KHDRBS3: variants seen among roughly 807,000 people sequenced by gnomAD.
The protein encoded by KHDRBS3 is KH domain-containing, RNA-binding, signal transduction-associated protein 3.
A neutral mutation model predicts 45.6 loss-of-function variants in KHDRBS3; 23 were observed. The ratio of observed to expected loss-of-function variants is 0.50; its 90% CI spans 0.36 to 0.72. The LOEUF is 0.72. Among genes scored for constraint, KHDRBS3 ranks in the 30% least tolerant of loss-of-function variants. The pLI, the probability that KHDRBS3 is intolerant of heterozygous loss-of-function variation, is 0.00. For synonymous variants in KHDRBS3, 162 were observed against 156.5 expected (o/e 1.04, Z -0.26); for missense variants, 352 against 424.8 (o/e 0.83, Z 1.51).
At chr8:135,497,476 G>C (rs2130476397) in intron 1 of KHDRBS3, among the ~76,000 whole-genome samples, 1 of 152,134 alleles carries the variant, frequency 6.6e-6, no homozygotes, top group Non-Finnish European at 1.5e-5. Context: ...CATGAATTCA[G>C]CCTTATTACC....
intron 2 of KHDRBS3, chr8:135,538,609 C>T (rs1311698440): frequency 6.6e-6 from 1 of 152,006 alleles, no homozygotes; most frequent in Non-Finnish European, 1.5e-5. Flanking sequence ...TCATAATGAC[C>T]CTGAAATGTA....
chr8:135,606,850 T>A, intron 6 of KHDRBS3, 105 bp from the exon 7 acceptor site: 1 of 802,598 alleles, frequency 1.2e-6, no homozygotes, highest in Non-Finnish European at 2.0e-6. Context: ...AGTAGACATA[T>A]AATTAAATGC....
chr8:135,543,874 T>A (rs1320672300), intron 3 of KHDRBS3, among the ~76,000 whole-genome samples: 1 of 152,202 alleles, frequency 6.6e-6, no homozygotes, highest in Admixed American at 6.5e-5. Flanking sequence ...TGGGATACTG[T>A]TTAAAAGTAG....
chr8:135,526,917 A>G (rs1371756489), intron 2 of KHDRBS3, among the ~76,000 whole-genome samples: 1 of 151,860 alleles, frequency 6.6e-6, no homozygotes, highest in African/African-American at 2.4e-5. Context: ...GAAGCTATGG[A>G]AATTGTTCTC....
rs1048695237 is a variant in KHDRBS3 at position 135,529,299 on chromosome 8, C to T, written c.207+7944C>T. Reference sequence around the variant, plus strand: ...TACATTTGTCCTGTTCTCAGAGGCTCTGGACTTGGGTCTTGTGACACAGCC... The same window carrying T: ...TACATTTGTCCTGTTCTCAGAGGCTTTGGACTTGGGTCTTGTGACACAGCC... On this transcript the variant is annotated intron_variant, in intron 2 of 8. Coordinates refer to ENST00000355849, the MANE Select transcript of KHDRBS3 (RefSeq NM_006558.3). Among the ~76,000 whole-genome samples, 40 of 152,100 alleles carry T rather than the reference C, an allele frequency of 2.6e-4. 1 individual carries two copies.
chr8:135,651,073 A>T (rs565929193), downstream of KHDRBS3, among the ~76,000 whole-genome samples: 13 of 152,246 alleles, frequency 8.5e-5, no homozygotes, highest in South Asian at 1.5e-3. Flanking sequence ...GGCACATGGA[A>T]GGGAGATGTG....
intron 7 of KHDRBS3, among the ~76,000 whole-genome samples, chr8:135,614,661 C>A (rs1829843179): frequency 1.3e-5 from 2 of 151,550 alleles, no homozygotes; most frequent in South Asian, 4.2e-4. Flanking sequence ...CCCAAATTAC[C>A]CCCATAGACC....
intron 5 of KHDRBS3, among the ~76,000 whole-genome samples, chr8:135,562,156 C>T (rs979640281): frequency 2.0e-5 from 3 of 152,200 alleles, no homozygotes; most frequent in African/African-American, 7.2e-5. Context: ...CTCAGTCACT[C>T]ACCCAGAACA....
chr8:135,624,931 C>G (rs554053688), intron 7 of KHDRBS3, among the ~76,000 whole-genome samples: 1 of 152,144 alleles, frequency 6.6e-6, no homozygotes, highest in Non-Finnish European at 1.5e-5. Context: ...GCATGGTGAG[C>G]CCCACGGTCA....
intron 5 of KHDRBS3, among the ~76,000 whole-genome samples, chr8:135,569,425 A>C (rs1310001271): frequency 6.6e-6 from 1 of 152,192 alleles, no homozygotes; most frequent in Non-Finnish European, 1.5e-5. Flanking sequence ...GTCATTAAGC[A>C]AAAACTTTAG....
intron 4 of KHDRBS3, among the ~76,000 whole-genome samples, chr8:135,552,121 G>T (rs574172633): frequency 1.3e-5 from 2 of 152,126 alleles, no homozygotes; most frequent in Admixed American, 6.5e-5. Flanking sequence ...TGTGATGTAT[G>T]TTTATCCTAT....
intron 1 of KHDRBS3, among the ~76,000 whole-genome samples, chr8:135,519,038 C>T (rs543136241): frequency 5.9e-5 from 9 of 152,244 alleles, no homozygotes; most frequent in Non-Finnish European, 1.3e-4. Context: ...AGGATCAAAA[C>T]ATAGTGTAGT....
rs1373371571 is a variant in KHDRBS3 at position 135,518,149 on chromosome 8, TACTAA to T, written c.89-3083_89-3079del. Among the ~76,000 whole-genome samples the T allele has an allele frequency of 7.9e-5, 12 of 152,222 alleles. No homozygotes were observed. In the South Asian group the frequency reaches 8.3e-4, roughly 11 times the overall value. Reference sequence around the variant, plus strand: ...ACATCTGGTGTGAGTTTTCAACAATTACTAAACTACTTTGTTTTTTTTTGTTGTTG... The same window carrying T: ...ACATCTGGTGTGAGTTTTCAACAATTACTACTTTGTTTTTTTTTGTTGTTG... On this transcript the variant is annotated intron_variant, in intron 1 of 8. Coordinates refer to ENST00000355849, the MANE Select transcript of KHDRBS3 (RefSeq NM_006558.3).
At chr8:135,563,811 C>T (rs1473095548) in intron 5 of KHDRBS3, among the ~76,000 whole-genome samples, 2 of 152,158 alleles carry the variant, frequency 1.3e-5, no homozygotes, top group African/African-American at 4.8e-5. Flanking sequence ...TCCTAACACT[C>T]GGTGGCTTCT....
At chr8:135,469,516 TGTTTTG>T (rs1821882276) in intron 1 of KHDRBS3, among the ~76,000 whole-genome samples, 18 of 22,438 alleles carry the variant, frequency 8.0e-4, no homozygotes, top group South Asian at 3.8e-3. Context: ...GTTTTTTTTT[TGTTTTG>T]GTTTTTTTTT....
intron 1 of KHDRBS3, among the ~76,000 whole-genome samples, chr8:135,462,879 G>C (rs1391701960): frequency 2.6e-5 from 4 of 152,136 alleles, no homozygotes; most frequent in Non-Finnish European, 5.9e-5. Flanking sequence ...ACCTGTGATG[G>C]TATAATTAGT....
At chr8:135,554,452 T>G (rs915937735) in intron 4 of KHDRBS3, among the ~76,000 whole-genome samples, 4 of 152,200 alleles carry the variant, frequency 2.6e-5, no homozygotes, top group Non-Finnish European at 4.4e-5. Context: ...AATTATGTAT[T>G]AATCTTCACA....
intron 7 of KHDRBS3, among the ~76,000 whole-genome samples, chr8:135,621,342 T>G (rs1306302393): frequency 6.6e-6 from 1 of 152,234 alleles, no homozygotes; most frequent in Non-Finnish European, 1.5e-5. Context: ...ACCAGTTAGT[T>G]GCCAAGGAAA....
chr8:135,560,139 T>C (rs1469615222), intron 5 of KHDRBS3, among the ~76,000 whole-genome samples: 2 of 152,166 alleles, frequency 1.3e-5, no homozygotes, highest in Non-Finnish European at 2.9e-5. Context: ...TAGTGAAATA[T>C]AGATAAAAAG....
Sources: gnomAD v4.1 joint callset for allele counts (sites outside exome capture counted in the v4.1 genomes callset) on GRCh38, gnomAD v4.1.1 for gene constraint, MANE v1.5 for transcripts, NCBI Gene and HGNC (gene_info 2026-07-23, HGNC 2026-07-21) for gene names.